ATXN3: variants seen among roughly 807,000 people sequenced by gnomAD.
ATXN3 encodes ataxin 3.
ATXN3 carries 28 observed loss-of-function variants against 58.2 expected under a neutral mutation model. The observed-to-expected ratio is 0.48, with a 90% CI of 0.36 to 0.66. The LOEUF is 0.66. Among genes scored for constraint, ATXN3 ranks in the 30% least tolerant of loss-of-function variants. The pLI is 0.00. For missense variants in ATXN3, 321 were observed against 422.1 expected, an observed-to-expected ratio of 0.76 and a Z score of 2.10; for synonymous variants, 113 against 138.5, an observed-to-expected ratio of 0.82 and a Z score of 1.29.
chr14:92,081,465 CAAAAAAAAAAA>C (rs58398762), intron 8 of ATXN3, among the ~76,000 whole-genome samples: 5 of 82,976 alleles, frequency 6.0e-5, no homozygotes, highest in African/African-American at 1.2e-4. Flanking sequence ...GACTCTGACT[CAAAAAAAAAAA>C]AAAAAAAAAA....
chr14:92,079,563 T>C, intron 9 of ATXN3: 1 of 342,504 alleles, frequency 2.9e-6, no homozygotes, highest in Non-Finnish European at 4.2e-6. Flanking sequence ...TAATATACTG[T>C]CAATTATGAC....
intron 5 of ATXN3, 56 bp from the exon 6 acceptor site, chr14:92,088,873 T>G: frequency 3.0e-6 from 3 of 1,006,996 alleles, no homozygotes; most frequent in Non-Finnish European, 4.7e-6. Context: ...ATAAGGAAGT[T>G]TCACATGTTA....
chr14:92,047,407 G>A (rs181935698), intron 2 of ATXN3, among the ~76,000 whole-genome samples: 13 of 152,376 alleles, frequency 8.5e-5, no homozygotes, highest in South Asian at 2.1e-4. Context: ...TGTAGCAGGC[G>A]AGTGATAACA....
At chr14:92,067,288 T>C (rs940188172) in intron 10 of ATXN3, among the ~76,000 whole-genome samples, 2 of 152,264 alleles carry the variant, frequency 1.3e-5, no homozygotes, top group African/African-American at 4.8e-5. Flanking sequence ...TTGAGCTTCA[T>C]TCAGCTTTTT....
intron 10 of ATXN3, among the ~76,000 whole-genome samples, chr14:92,068,026 C>G (rs1318989848): frequency 2.6e-5 from 4 of 152,152 alleles, no homozygotes; most frequent in South Asian, 2.1e-4. Context: ...TGGAGGTGTC[C>G]TTGTTACTGC....
At chr14:92,090,188 G>C (rs1204036614) in intron 5 of ATXN3, among the ~76,000 whole-genome samples, 1 of 152,048 alleles carries the variant, frequency 6.6e-6, no homozygotes, top group Admixed American at 6.6e-5. Flanking sequence ...CTGCAGCCTC[G>C]AACACCTGGG....
chr14:92,081,261 C>T (rs1026210045), intron 8 of ATXN3, among the ~76,000 whole-genome samples, 200 bp from the exon 9 acceptor site: 1 of 151,864 alleles, frequency 6.6e-6, no homozygotes, highest in Non-Finnish European at 1.5e-5. Flanking sequence ...CACCTGAGGT[C>T]AGGAGTTCAA....
chr14:92,082,649 CTTTTT>C (rs34366039), intron 7 of ATXN3, among the ~76,000 whole-genome samples, 183 bp from the exon 8 acceptor site: 7 of 132,896 alleles, frequency 5.3e-5, no homozygotes, highest in Non-Finnish European at 6.4e-5. Context: ...TTTTCCGTTT[CTTTTT>C]TTTTTTTTTT....
At chr14:92,106,466 G>A in intron 1 of ATXN3, 63 bp downstream of exon 1, 2 of 1,607,272 alleles carry the variant, frequency 1.2e-6, no homozygotes, top group Non-Finnish European at 1.7e-6. Context: ...GAGAGGCGGT[G>A]ATGCCGCGCT....
At chr14:92,094,209 G>A (rs1331486785) in intron 3 of ATXN3, among the ~76,000 whole-genome samples, 1 of 151,914 alleles carries the variant, frequency 6.6e-6, no homozygotes, top group African/African-American at 2.4e-5. Flanking sequence ...CAAAGTACTG[G>A]GATTACAGGC....
intron 10 of ATXN3, among the ~76,000 whole-genome samples, chr14:92,066,476 G>C (rs2058421936): frequency 2.0e-5 from 3 of 150,976 alleles, no homozygotes; most frequent in African/African-American, 7.3e-5. Flanking sequence ...TTTCTTTTCT[G>C]TTTAGAGAAA....
chr14:92,079,223 C>T (rs1051471766), intron 9 of ATXN3, among the ~76,000 whole-genome samples: 1 of 147,618 alleles, frequency 6.8e-6, no homozygotes, highest in Non-Finnish European at 1.5e-5. Context: ...TGGCCGTGTG[C>T]TAGTATTTGT....
rs34338098 is a variant in ATXN3 at position 92,090,946 on chromosome 14, C to CTTTTTT, written c.388-2135_388-2130dup. Among the ~76,000 whole-genome samples, 35 of 116,458 alleles carry CTTTTTT rather than the reference C, an allele frequency of 3.0e-4. 7 individuals are homozygous for CTTTTTT. Among genetic ancestry groups the CTTTTTT allele is most frequent in the African/African-American group, 3.0e-4 (9 of 30,314 alleles). The allele number at this position is 116,458 out of a possible 152,430, so 76.4% of individuals were successfully genotyped here. A position where few individuals can be genotyped will look rare whatever the true frequency, so the allele number is the denominator to read the frequency against. ...ATCAGCCTCTACTGCTGTAAGCTGC[C>CTTTTTT]TTTTTTTTTTTTTTTTTTTGTAGAG... On this transcript the variant is annotated intron_variant, in intron 5 of 10. Coordinates refer to ENST00000644486, the MANE Select transcript of ATXN3 (RefSeq NM_004993.6).
At chr14:92,101,061 C>T (rs1029858149) in intron 1 of ATXN3, among the ~76,000 whole-genome samples, 3 of 152,058 alleles carry the variant, frequency 2.0e-5, no homozygotes, top group African/African-American at 7.2e-5. Context: ...AAAATAAGTA[C>T]TTGAAATCAA....
intron 10 of ATXN3, among the ~76,000 whole-genome samples, chr14:92,066,607 T>G (rs2058468994): frequency 2.2e-5 from 3 of 138,914 alleles, no homozygotes; most frequent in Admixed American, 7.1e-5. Flanking sequence ...TCTTGTTTTT[T>G]TTTTTTTTTT....
intron 9 of ATXN3, among the ~76,000 whole-genome samples, chr14:92,077,192 C>T (rs1031992334): frequency 3.3e-5 from 5 of 152,124 alleles, no homozygotes; most frequent in Non-Finnish European, 5.9e-5. Flanking sequence ...AATTATGCCA[C>T]ATCCATTCAT....
intron 10 of ATXN3, among the ~76,000 whole-genome samples, chr14:92,069,326 C>T (rs981085576): frequency 7.4e-5 from 11 of 147,998 alleles, no homozygotes; most frequent in Non-Finnish European, 1.6e-4. Context: ...CAGCCTTGGC[C>T]TCCCAAAGTG....
upstream of ATXN3, among the ~76,000 whole-genome samples, chr14:92,052,760 T>G (rs74071832): frequency 0.03 from 4,576 of 152,272 alleles, 189 homozygotes; most frequent in African/African-American, 0.096. Context: ...AAATGCAACC[T>G]TATTCAGCCA....
intron 9 of ATXN3, among the ~76,000 whole-genome samples, chr14:92,075,394 T>C (rs2060193158): frequency 6.6e-6 from 1 of 152,176 alleles, no homozygotes; most frequent in South Asian, 2.1e-4. Context: ...CTCGAACTCC[T>C]GACCTCAGAT....
Sources: allele counts gnomAD v4.1 joint callset (sites outside exome capture counted in the v4.1 genomes callset), GRCh38; gene constraint gnomAD v4.1.1; transcripts MANE v1.5; gene names NCBI Gene and HGNC (gene_info 2026-07-23, HGNC 2026-07-21).